Variants in GLG1 observed in about 807,000 individuals in gnomAD.
GLG1 encodes Golgi apparatus protein 1.
Under a neutral mutation model 160.5 loss-of-function variants are expected in GLG1, and 38 were observed. That is an observed-to-expected ratio of 0.24 (90% CI 0.18 to 0.31). The LOEUF is 0.31. GLG1 is among the 10% of genes least tolerant of loss of function. The pLI, the probability that GLG1 is intolerant of heterozygous loss-of-function variation, is 1.00. For synonymous variants in GLG1, 644 were observed against 543.4 expected (o/e 1.19, Z -2.57); for missense variants, 1,373 against 1,505.2 (o/e 0.91, Z 1.45).
chr16:74,471,718 C>A (rs754663411), intron 14 of GLG1, among the ~76,000 whole-genome samples: 12 of 152,094 alleles, frequency 7.9e-5, no homozygotes, highest in Non-Finnish European at 1.8e-4. Context: ...CTAACAATTC[C>A]TGGGCAGATG....
intron 4 of GLG1, among the ~76,000 whole-genome samples, chr16:74,499,187 A>G (rs1029891638): frequency 6.6e-6 from 1 of 150,696 alleles, no homozygotes; most frequent in Non-Finnish European, 1.5e-5. Context: ...AATCTGGGTG[A>G]GTGGGTGGAG....
At chr16:74,564,571 C>A (rs1333300752) in intron 1 of GLG1, among the ~76,000 whole-genome samples, 1 of 152,152 alleles carries the variant, frequency 6.6e-6, no homozygotes, top group Admixed American at 6.5e-5. Context: ...GACACCAAAA[C>A]CTATGAATAA....
chr16:74,462,020 A>G (rs2014817206), intron 22 of GLG1, 74 bp downstream of exon 22: 2 of 772,480 alleles, frequency 2.6e-6, no homozygotes, highest in East Asian at 4.9e-5. Flanking sequence ...AGGGAGAGAA[A>G]GTAAACAACT....
intron 2 of GLG1, among the ~76,000 whole-genome samples, chr16:74,515,856 C>G (rs989036111): frequency 4.0e-5 from 6 of 151,486 alleles, no homozygotes; most frequent in African/African-American, 1.5e-4. Flanking sequence ...GGAGGAAGAT[C>G]TACCAAGCAA....
At chr16:74,540,333 CAT>C (rs939423134) in intron 1 of GLG1, among the ~76,000 whole-genome samples, 4 of 148,886 alleles carry the variant, frequency 2.7e-5, no homozygotes, top group South Asian at 2.1e-4. Flanking sequence ...ATTACAAAAA[CAT>C]GTAATTTTTT....
chr16:74,496,733 C>CAT lies in GLG1; in HGVS notation c.775-90_775-89insAT, dbSNP rs1241997744. 111 of 758,920 alleles carry CAT rather than the reference C, an allele frequency of 1.5e-4. No homozygotes were observed. The East Asian group carries it at 1.5e-3, about 10-fold the overall frequency. 47.0% of individuals were successfully genotyped at this position (758,920 alleles called of 1,614,324 possible). A position where few individuals can be genotyped will look rare whatever the true frequency, so the allele number is the denominator to read the frequency against. On this transcript the variant is annotated intron_variant, in intron 4 of 25. Coordinates refer to ENST00000422840, the MANE Select transcript of GLG1 (RefSeq NM_001145667.2). ...TTGGCTACACACACACACACACACA[C>CAT]ACACACACACACACAAAGTAATAAA...
chr16:74,509,741 C>A (rs1328625133), intron 2 of GLG1, among the ~76,000 whole-genome samples: 1 of 151,070 alleles, frequency 6.6e-6, no homozygotes, highest in Non-Finnish European at 1.5e-5. Flanking sequence ...CCCAGCTACT[C>A]GGGAGACTGA....
intron 2 of GLG1, among the ~76,000 whole-genome samples, chr16:74,525,689 T>C (rs1335007882): frequency 1.3e-5 from 2 of 150,006 alleles, no homozygotes; most frequent in Non-Finnish European, 3.0e-5. Flanking sequence ...TTCAAATCCA[T>C]TGCCCGTTTT....
chr16:74,584,476 C>G (rs1413029200), intron 1 of GLG1, among the ~76,000 whole-genome samples: 1 of 152,142 alleles, frequency 6.6e-6, no homozygotes, highest in South Asian at 2.1e-4. Context: ...TTATAACACT[C>G]TTACCAATTA....
At chr16:74,487,960 A>C (rs889940880) in intron 8 of GLG1, among the ~76,000 whole-genome samples, 4 of 152,110 alleles carry the variant, frequency 2.6e-5, no homozygotes, top group African/African-American at 9.7e-5. Context: ...AACCTGGGAA[A>C]ATGCTTCAGA....
At chr16:74,598,200 A>C (rs1177717110) in intron 1 of GLG1, among the ~76,000 whole-genome samples, 1 of 152,182 alleles carries the variant, frequency 6.6e-6, no homozygotes, top group Non-Finnish European at 1.5e-5. Context: ...AGTGTCTTGC[A>C]CACAGGTTTC....
intron 9 of GLG1, among the ~76,000 whole-genome samples, chr16:74,484,390 A>G (rs2015717338): frequency 6.6e-6 from 1 of 151,908 alleles, no homozygotes; most frequent in Non-Finnish European, 1.5e-5. Context: ...CTGGAATGCA[A>G]TGGCACGATC....
intron 1 of GLG1, among the ~76,000 whole-genome samples, chr16:74,542,902 T>C (rs1306815900): frequency 2.6e-5 from 4 of 152,206 alleles, no homozygotes; most frequent in Non-Finnish European, 5.9e-5. Flanking sequence ...ATGCAGCTCA[T>C]ACTACCAATC....
At chr16:74,478,387 GA>G (rs1373008744) in intron 11 of GLG1, among the ~76,000 whole-genome samples, 1 of 152,050 alleles carries the variant, frequency 6.6e-6, no homozygotes. Flanking sequence ...TAAAGCAGGT[GA>G]AAACTAGTAT....
At chr16:74,575,434 A>G (rs574749133) in intron 1 of GLG1, among the ~76,000 whole-genome samples, 250 of 152,358 alleles carry the variant, frequency 1.6e-3, no homozygotes, top group Non-Finnish European at 2.6e-3. Context: ...AAAAATTAAC[A>G]GCATGTTTTA....
intron 2 of GLG1, among the ~76,000 whole-genome samples, chr16:74,527,011 C>T (rs1454447228): frequency 6.6e-6 from 1 of 152,094 alleles, no homozygotes; most frequent in Non-Finnish European, 1.5e-5. Context: ...TGGCTAAATA[C>T]CATTAACTGA....
intron 14 of GLG1, 149 bp downstream of exon 14, chr16:74,472,200 T>C (rs892271957): frequency 1.3e-5 from 8 of 619,992 alleles, no homozygotes; most frequent in African/African-American, 1.1e-4. Context: ...ACACCCGGCC[T>C]GTTTACATTT....
At chr16:74,458,834 T>C (rs2014665192) in intron 23 of GLG1, among the ~76,000 whole-genome samples, 1 of 152,216 alleles carries the variant, frequency 6.6e-6, no homozygotes, top group South Asian at 2.1e-4. Context: ...ATGTCCTGAA[T>C]GAGAGGAATA....
chr16:74,472,466 G>C (rs761144038), intron 13 of GLG1, 55 bp from the exon 14 acceptor site: 17 of 1,409,564 alleles, frequency 1.2e-5, no homozygotes, highest in Non-Finnish European at 1.5e-5. Flanking sequence ...CAGGGTGGAG[G>C]AGGAGCAGTT....
Sources: allele counts gnomAD v4.1 joint callset (sites outside exome capture counted in the v4.1 genomes callset), GRCh38; gene constraint gnomAD v4.1.1; transcripts MANE v1.5; gene names NCBI Gene and HGNC (gene_info 2026-07-23, HGNC 2026-07-21).